The following CNTN5 variants were observed in gnomAD, a reference collection of about 807,000 sequenced individuals.
The protein encoded by CNTN5 is contactin 5, also known as contactin-5.
CNTN5 carries 77 observed loss-of-function variants against 129.1 expected under a neutral mutation model. That is an observed-to-expected ratio of 0.60 (90% CI 0.50 to 0.72). CNTN5 has a LOEUF of 0.72. Among genes scored for constraint, CNTN5 ranks in the 30% least tolerant of loss-of-function variants. The pLI, the probability that CNTN5 is intolerant of heterozygous loss-of-function variation, is 0.00. For missense variants in CNTN5, 1,478 were observed against 1,328.8 expected, an observed-to-expected ratio of 1.11 and a Z score of -1.75; for synonymous variants, 509 against 465.6, an observed-to-expected ratio of 1.09 and a Z score of -1.20.
chr11:99,193,723 C>G (rs528717921), intron 1 of CNTN5, among the ~76,000 whole-genome samples: 6 of 152,206 alleles, frequency 3.9e-5, no homozygotes, highest in East Asian at 1.9e-4. Flanking sequence ...CCCAGGAGAC[C>G]GTTTCACAGG....
At chr11:100,023,243 A>G (rs116266496) in intron 9 of CNTN5, among the ~76,000 whole-genome samples, 2,040 of 152,192 alleles carry the variant, frequency 0.013, 42 homozygotes, top group African/African-American at 0.046. Flanking sequence ...TGTATCCTCA[A>G]ATTTACTAAT....
intron 8 of CNTN5, among the ~76,000 whole-genome samples, chr11:99,978,711 G>A (rs1938151671): frequency 6.6e-6 from 1 of 152,160 alleles, no homozygotes; most frequent in Non-Finnish European, 1.5e-5. Flanking sequence ...GCCCTCTGAT[G>A]TTTTAACAGC....
At chr11:99,719,893 A>G (rs1442947688) in intron 3 of CNTN5, among the ~76,000 whole-genome samples, 1 of 152,180 alleles carries the variant, frequency 6.6e-6, no homozygotes, top group African/African-American at 2.4e-5. Context: ...AGAAACTACT[A>G]TGAACACCTC....
At chr11:99,395,673 G>C (rs1259645925) in intron 2 of CNTN5, among the ~76,000 whole-genome samples, 2 of 151,438 alleles carry the variant, frequency 1.3e-5, no homozygotes, top group Non-Finnish European at 3.0e-5. Context: ...TTATAGCTTG[G>C]GGTTTTACAT....
At chr11:99,280,202 C>G (rs1288521526) in intron 1 of CNTN5, among the ~76,000 whole-genome samples, 1 of 151,398 alleles carries the variant, frequency 6.6e-6, no homozygotes, top group Non-Finnish European at 1.5e-5. Flanking sequence ...TATATTTTTT[C>G]TCATGGGGCT....
At chr11:100,218,718 T>A (rs60740866) in intron 15 of CNTN5, among the ~76,000 whole-genome samples, 7 of 152,340 alleles carry the variant, frequency 4.6e-5, no homozygotes, top group African/African-American at 1.7e-4. Flanking sequence ...ATATGAGATA[T>A]AATTTGTAGA....
chr11:99,630,074 A>T (rs1951282907), intron 3 of CNTN5, among the ~76,000 whole-genome samples: 1 of 151,966 alleles, frequency 6.6e-6, no homozygotes, highest in African/African-American at 2.4e-5. Flanking sequence ...GACTGAAAAA[A>T]ATCAAGTGAT....
chr11:99,463,129 A>AAATAAATAAATG (rs1944786940), intron 2 of CNTN5, among the ~76,000 whole-genome samples: 1 of 148,378 alleles, frequency 6.7e-6, no homozygotes, highest in South Asian at 2.1e-4. Flanking sequence ...ATAAATAAAT[A>AAATAAATAAATG]AATAAATAAA....
intron 18 of CNTN5, among the ~76,000 whole-genome samples, chr11:100,296,036 G>A (rs147867185): frequency 2.6e-5 from 4 of 151,562 alleles, no homozygotes; most frequent in Non-Finnish European, 5.9e-5. Flanking sequence ...ATGCTTTGAT[G>A]GTCACAATAT....
intron 1 of CNTN5, among the ~76,000 whole-genome samples, chr11:99,182,023 G>T (rs1344040160): frequency 6.6e-6 from 1 of 152,094 alleles, no homozygotes; most frequent in Admixed American, 6.6e-5. Flanking sequence ...CTCATTGCAA[G>T]ACTTAAACTT....
chr11:99,156,428 A>T (rs1306712583), intron 1 of CNTN5, among the ~76,000 whole-genome samples: 2 of 152,072 alleles, frequency 1.3e-5, no homozygotes, highest in Non-Finnish European at 2.9e-5. Flanking sequence ...AGGTGCACAG[A>T]TAACTGGCAT....
intron 1 of CNTN5, among the ~76,000 whole-genome samples, chr11:99,114,898 G>A (rs1018526856): frequency 2.0e-5 from 3 of 152,186 alleles, no homozygotes; most frequent in African/African-American, 7.2e-5. Flanking sequence ...AATGCCTAGT[G>A]TGATGCTATT....
chr11:99,706,054 G>A (rs892218445), intron 3 of CNTN5, among the ~76,000 whole-genome samples: 1 of 151,416 alleles, frequency 6.6e-6, no homozygotes, highest in Non-Finnish European at 1.5e-5. Flanking sequence ...TTTAATAACT[G>A]AGCTCTGTTG....
chr11:99,868,093 A>G (rs1160922006), intron 6 of CNTN5, among the ~76,000 whole-genome samples: 1 of 152,034 alleles, frequency 6.6e-6, no homozygotes, highest in East Asian at 1.9e-4. Flanking sequence ...GCATATGCCT[A>G]TAATCCCAGC....
At chr11:99,828,801 A>T (rs1947048600) in intron 4 of CNTN5, among the ~76,000 whole-genome samples, 1 of 152,156 alleles carries the variant, frequency 6.6e-6, no homozygotes, top group African/African-American at 2.4e-5. Flanking sequence ...CATGTTGATG[A>T]TGTATTTTAG....
chr11:100,115,898 A>G (rs911207011), intron 13 of CNTN5, among the ~76,000 whole-genome samples: 4 of 152,094 alleles, frequency 2.6e-5, no homozygotes, highest in Admixed American at 2.0e-4. Context: ...CATGAAAGAA[A>G]GAATCTGGTT....
intron 3 of CNTN5, among the ~76,000 whole-genome samples, chr11:99,736,207 A>G (rs751512221): frequency 2.6e-5 from 4 of 152,190 alleles, no homozygotes; most frequent in Admixed American, 1.3e-4. Context: ...GCAGGGCTAG[A>G]CAGAGGTTGC....
At chr11:99,585,844 A>T (rs1442169263) in intron 3 of CNTN5, among the ~76,000 whole-genome samples, 1 of 152,100 alleles carries the variant, frequency 6.6e-6, no homozygotes, top group Non-Finnish European at 1.5e-5. Flanking sequence ...ACGATTGCAA[A>T]CCACTGATAT....
chr11:99,574,595 A>G (rs1012218655), intron 3 of CNTN5, among the ~76,000 whole-genome samples: 3 of 152,116 alleles, frequency 2.0e-5, no homozygotes, highest in African/African-American at 7.2e-5. Flanking sequence ...TTTCATGATC[A>G]CCATTCTGAC....
Sources: gnomAD v4.1 joint callset for allele counts (sites outside exome capture counted in the v4.1 genomes callset) on GRCh38, gnomAD v4.1.1 for gene constraint, MANE v1.5 for transcripts, NCBI Gene and HGNC (gene_info 2026-07-23, HGNC 2026-07-21) for gene names.